NTM: variants seen among roughly 807,000 people sequenced by gnomAD.
NTM encodes the protein neurotrimin.
In NTM, 13 loss-of-function variants were observed where a neutral mutation model predicts 42.1. The ratio of observed to expected loss-of-function variants is 0.31; its 90% CI spans 0.20 to 0.49. The LOEUF is 0.49. Ranked by LOEUF, NTM falls within the 20% of genes least tolerant of loss-of-function variation. The pLI is 0.99. For missense variants in NTM, 373 were observed against 452.8 expected (o/e 0.82, Z 1.60); for synonymous variants, 187 against 179.2 (o/e 1.04, Z -0.35).
chr11:132,238,534 C>CAGA (rs2089544668), intron 4 of NTM, among the ~76,000 whole-genome samples: 1 of 152,010 alleles, frequency 6.6e-6, no homozygotes, highest in Non-Finnish European at 1.5e-5. Context: ...AGACAGAAGA[C>CAGA]AGAACTAGAC....
At chr11:131,462,515 T>C (rs143724329) in intron 1 of NTM, among the ~76,000 whole-genome samples, 2 of 152,366 alleles carry the variant, frequency 1.3e-5, no homozygotes, top group African/African-American at 2.4e-5. Flanking sequence ...AAATGGCACG[T>C]TGAAGTTAGT....
In NTM at chr11:131,586,485, A is replaced by AC. The variant is rs761853951; in HGVS notation, c.82+215601dup. ...TGTTGTGAGGAAGCCCTGTGCAGAG[A>AC]CCCCTAACCTGTTAATGGTCATATG... is the stretch of plus-strand genomic sequence containing the variant. On this transcript the variant is annotated intron_variant, in intron 1 of 8. Coordinates refer to ENST00000683400, the MANE Select transcript of NTM (RefSeq NM_001352005.2). Among the ~76,000 whole-genome samples, 114 of 151,902 alleles carry AC rather than the reference A, an allele frequency of 7.5e-4. 4 individuals are homozygous for AC. The highest frequency in any genetic ancestry group is 1.0e-4 in the Non-Finnish European group (7 of 68,002).
At chr11:132,277,825 T>TAC (rs2093789535) in intron 4 of NTM, among the ~76,000 whole-genome samples, 2 of 151,870 alleles carry the variant, frequency 1.3e-5, no homozygotes, top group South Asian at 4.2e-4. Context: ...CATGCTAAAA[T>TAC]ATATATATAT....
chr11:132,245,723 C>A (rs1418427833), intron 4 of NTM, among the ~76,000 whole-genome samples: 1 of 152,086 alleles, frequency 6.6e-6, no homozygotes, highest in Non-Finnish European at 1.5e-5. Context: ...TGCCTCCCAG[C>A]ACTGACTTAG....
chr11:131,387,271 A>C (rs1027943265), intron 1 of NTM, among the ~76,000 whole-genome samples: 3 of 151,992 alleles, frequency 2.0e-5, no homozygotes, highest in Non-Finnish European at 4.4e-5. Flanking sequence ...TCCCTATCAA[A>C]GTCATCTGCT....
At chr11:132,316,012 CTTGCT>C (rs903138857) in intron 7 of NTM, among the ~76,000 whole-genome samples, 5 of 151,822 alleles carry the variant, frequency 3.3e-5, no homozygotes, top group South Asian at 4.1e-4. Flanking sequence ...CCCTCCTTCC[CTTGCT>C]TTGCAAATCT....
chr11:131,884,132 G>A (rs2049984468), intron 1 of NTM, among the ~76,000 whole-genome samples: 2 of 152,164 alleles, frequency 1.3e-5, no homozygotes. Flanking sequence ...AAAGTTGGCT[G>A]GGCATGGTGA....
At chr11:131,468,356 C>T (rs115673390) in intron 1 of NTM, among the ~76,000 whole-genome samples, 1,610 of 152,312 alleles carry the variant, frequency 0.011, 42 homozygotes, top group African/African-American at 0.035. Context: ...TAAAATGTTG[C>T]TCGGTGCTTA....
At chr11:131,965,995 G>A (rs951432339) in intron 2 of NTM, among the ~76,000 whole-genome samples, 5 of 151,682 alleles carry the variant, frequency 3.3e-5, no homozygotes, top group Admixed American at 3.3e-4. Flanking sequence ...AACATGAGAG[G>A]GAAGGGAGGA....
Position 131,370,690 on chromosome 11 carries a change from A to G in NTM, c.-117A>G. The G allele has an allele frequency of 1.2e-6, 1 of 848,844 alleles. No homozygotes were observed. The highest frequency in any genetic ancestry group is 1.7e-5 in the South Asian group (1 of 57,852). The allele number at this position is 848,844 out of a possible 1,614,324, so 52.6% of individuals were successfully genotyped here. On this transcript the variant is annotated 5_prime_UTR_variant, in exon 1 of 9. Coordinates refer to ENST00000683400, the MANE Select transcript of NTM (RefSeq NM_001352005.2). Reference sequence around the variant, plus strand: ...GGCTTTCTTGTTGTGTCCTTCAGCAAAACAGTGGATTTAAATCTCCTTGCA... The same window carrying G: ...GGCTTTCTTGTTGTGTCCTTCAGCAGAACAGTGGATTTAAATCTCCTTGCA...
chr11:131,853,415 G>A (rs963380531), intron 1 of NTM, among the ~76,000 whole-genome samples: 1 of 152,014 alleles, frequency 6.6e-6, no homozygotes, highest in Non-Finnish European at 1.5e-5. Flanking sequence ...GCTTGGACAG[G>A]CCCAGTGTGT....
intron 1 of NTM, among the ~76,000 whole-genome samples, chr11:131,589,046 T>C (rs906462259): frequency 1.3e-5 from 2 of 152,128 alleles, no homozygotes; most frequent in Non-Finnish European, 2.9e-5. Context: ...TTGGTCTTCG[T>C]CCTGTAGGTT....
At chr11:132,070,480 A>T (rs1032205562) in intron 2 of NTM, among the ~76,000 whole-genome samples, 1 of 125,014 alleles carries the variant, frequency 8.0e-6, no homozygotes, top group South Asian at 3.0e-4. Context: ...CCAAGTTAAC[A>T]CGTCAAACTG....
Position 131,418,959 on chromosome 11 carries a change from T to A in NTM, c.82+48071T>A, listed in dbSNP as rs74615024. Among the ~76,000 whole-genome samples the A allele has an allele frequency of 7.0e-3, 1,063 of 152,170 alleles. 13 individuals carry two copies. Among genetic ancestry groups the A allele is most frequent in the African/African-American group, 0.024 (1,007 of 41,528 alleles). ...TTCATTGCCAAGTGGGGAGAGATAATCACCAAGGTACGCACTTACAAGACC... is the reference window on the plus strand; with the variant it reads ...TTCATTGCCAAGTGGGGAGAGATAAACACCAAGGTACGCACTTACAAGACC... On this transcript the variant is annotated intron_variant, in intron 1 of 8. Transcript: ENST00000683400.
chr11:131,641,189 G>C (rs2065086543), intron 1 of NTM, among the ~76,000 whole-genome samples: 1 of 152,162 alleles, frequency 6.6e-6, no homozygotes, highest in Non-Finnish European at 1.5e-5. Flanking sequence ...TGTTTTCCTT[G>C]TTCACTACAC....
chr11:131,545,227 C>A (rs1350321459), intron 1 of NTM, among the ~76,000 whole-genome samples: 3 of 152,140 alleles, frequency 2.0e-5, no homozygotes, highest in African/African-American at 7.2e-5. Context: ...TCAGGTATAA[C>A]CAGAATGGCT....
rs2094017498 is a variant in NTM at position 132,282,581 on chromosome 11, A to G, written c.527-25108A>G. ...GAAAAGCTCATGTTTTCCAAAAAAT[A>G]TCTCATTGCCCAAACAGTGAAACAT... On this transcript the variant is annotated intron_variant, in intron 4 of 8. Transcript: ENST00000683400. Among the ~76,000 whole-genome samples, 3 of 152,318 alleles carry G rather than the reference A, an allele frequency of 2.0e-5. No homozygotes were observed. In the South Asian group the frequency reaches 6.2e-4, roughly 32 times the overall value.
intron 4 of NTM, among the ~76,000 whole-genome samples, chr11:132,289,263 T>G (rs2094367308): frequency 1.3e-5 from 2 of 152,314 alleles, no homozygotes; most frequent in Admixed American, 1.3e-4. Context: ...GTGCACATTT[T>G]TATCTTACTA....
At chr11:131,405,370 G>T (rs997437801) in intron 1 of NTM, among the ~76,000 whole-genome samples, 1 of 152,082 alleles carries the variant, frequency 6.6e-6, no homozygotes, top group African/African-American at 2.4e-5. Context: ...CCCAGTGAGA[G>T]GCTGTTTTTC....
Sources: allele counts gnomAD v4.1 joint callset (sites outside exome capture counted in the v4.1 genomes callset), GRCh38; gene constraint gnomAD v4.1.1; transcripts MANE v1.5; gene names NCBI Gene and HGNC (gene_info 2026-07-23, HGNC 2026-07-21).